CAPN3: variants seen among roughly 807,000 people sequenced by gnomAD.
CAPN3 encodes the protein calpain-3.
A neutral mutation model predicts 114.0 loss-of-function variants in CAPN3; 88 were observed. That is an observed-to-expected ratio of 0.77 (90% CI 0.65 to 0.92). The LOEUF is 0.92. CAPN3 is among the 40% of genes least tolerant of loss of function. The probability of loss-of-function intolerance (pLI) is 0.00; values close to 1 mark genes in which losing one functional copy is unlikely to be tolerated. For synonymous variants in CAPN3, 386 were observed against 382.9 expected, an observed-to-expected ratio of 1.01 and a Z score of -0.09; for missense variants, 1,028 against 1,069.0, an observed-to-expected ratio of 0.96 and a Z score of 0.53.
intron 9 of CAPN3, among the ~76,000 whole-genome samples, chr15:42,398,404 G>A (rs2053761468): frequency 6.6e-6 from 1 of 151,962 alleles, no homozygotes; most frequent in African/African-American, 2.4e-5. Flanking sequence ...GGTCAACATG[G>A]TGAAACCCCA....
At chr15:42,384,135 C>T (rs965727963) in intron 1 of CAPN3, among the ~76,000 whole-genome samples, 2 of 151,944 alleles carry the variant, frequency 1.3e-5, no homozygotes, top group African/African-American at 2.4e-5. Context: ...CTACTGCGGC[C>T]GGGCGCGGTG....
At chr15:42,387,397 TG>T (rs2053432926) in intron 3 of CAPN3, among the ~76,000 whole-genome samples, 1 of 152,166 alleles carries the variant, frequency 6.6e-6, no homozygotes, top group African/African-American at 2.4e-5. Context: ...TTGAATCAGC[TG>T]GGGGCACCTG....
At position 42,392,799 on chromosome 15, in the gene CAPN3, G is replaced by T. The variant is rs190554453; in HGVS notation, c.1029+77G>T. The T allele has an allele frequency of 8.1e-5, 98 of 1,202,764 alleles. No homozygotes were observed. The African/African-American group carries it at 1.2e-3, about 15-fold the overall frequency. The allele number at this position is 1,202,764 out of a possible 1,614,324, so 74.5% of individuals were successfully genotyped here. A position where few individuals can be genotyped will look rare whatever the true frequency, so the allele number is the denominator to read the frequency against. On this transcript the variant is annotated intron_variant, in intron 7 of 23. Transcript: ENST00000397163. ...ATGAAGTCAGGACTTAGCTGTTGGG[G>T]CCCCTTCCCTGTCTGCAGAGCTTGC...
In CAPN3 at chr15:42,411,939, G is replaced by A. The variant is rs376799702; in HGVS notation, c.*166G>A. 14 of 1,540,826 alleles carry A rather than the reference G, an allele frequency of 9.1e-6. No homozygotes were observed. Among genetic ancestry groups the A allele is most frequent in the African/African-American group, 6.8e-5 (5 of 73,074 alleles). ...TCCATTTTACCCCCTACCCATCCTTGATCGGTCATGCCTAGCCTGACCCTT... is the reference window on the plus strand; with the variant it reads ...TCCATTTTACCCCCTACCCATCCTTAATCGGTCATGCCTAGCCTGACCCTT... On this transcript the variant is annotated 3_prime_UTR_variant, in exon 24 of 24. Transcript: ENST00000397163.
At chr15:42,394,463 A>C in intron 8 of CAPN3, 122 bp downstream of exon 8, 1 of 809,194 alleles carries the variant, frequency 1.2e-6, no homozygotes, top group Non-Finnish European at 2.1e-6. Context: ...CTCAAAACCA[A>C]TGATCCGCAG....
At position 42,389,106 on chromosome 15, in the gene CAPN3, G is replaced by A. The variant is rs2141168252; in HGVS notation, c.801+10G>A. 1.3e-5 allele frequency: 21 copies of A among 1,613,860 alleles called. No homozygotes were observed. Among genetic ancestry groups the A allele is most frequent in the East Asian group, 6.7e-5 (3 of 44,880 alleles). The stretch of plus-strand genomic sequence containing the variant: ...GGGCTGCTCCATTGATGTAAGTCTG[G>A]GGTGTGGGGCACAGGGTGGGGAGCT... On this transcript the variant is annotated intron_variant, in intron 5 of 23. Coordinates refer to ENST00000397163, the MANE Select transcript of CAPN3 (RefSeq NM_000070.3).
chr15:42,403,717 C>A (rs1300690087), intron 13 of CAPN3, 24 bp from the exon 14 acceptor site: 3 of 1,611,582 alleles, frequency 1.9e-6, no homozygotes, highest in Non-Finnish European at 2.5e-6. Context: ...ACACTGAGAC[C>A]CCACATGTCT....
chr15:42,412,118 A>C lies in CAPN3; in HGVS notation c.*345A>C. ...GCAGAAGCACCTGCCGGTGGCACTC[A>C]GCACCTCCTTGTGCTAGAGCCCTCC... is the stretch of plus-strand genomic sequence containing the variant. On this transcript the variant is annotated 3_prime_UTR_variant, in exon 24 of 24. Transcript: ENST00000397163. 2 of 1,535,890 alleles carry C rather than the reference A, an allele frequency of 1.3e-6. No homozygotes were observed. Among genetic ancestry groups the C allele is most frequent in the South Asian group, 2.4e-5 (2 of 84,048 alleles).
chr15:42,374,794 CTTT>C (rs66487749), intron 1 of CAPN3, among the ~76,000 whole-genome samples: 3,906 of 84,924 alleles, frequency 0.046, 96 homozygotes, highest in African/African-American at 0.13. Context: ...TATCATGTCT[CTTT>C]TTTTTTTTTT....
At position 42,402,190 on chromosome 15, in the gene CAPN3, AGTCT is replaced by A; in HGVS notation, c.1536+62_1536+65del. ...GTGCAGCACTACCCAGGGGGCCCCG[AGTCT>A]GTCTGTGGCTCGTCGAGAAGCTTCC... On this transcript the variant is annotated intron_variant, in intron 12 of 23. Coordinates refer to ENST00000397163, the MANE Select transcript of CAPN3 (RefSeq NM_000070.3). The A allele has an allele frequency of 1.9e-6, 3 of 1,613,158 alleles. No individual in the cohort carries two copies. The Admixed American group carries it at 5.0e-5, about 27-fold the overall frequency.
chr15:42,396,892 C>G lies in CAPN3; in HGVS notation c.1193+15C>G. On this transcript the variant is annotated intron_variant, in intron 9 of 23. Transcript: ENST00000397163. ...GGAGAGTTCTGGTGAGTCCAGAACC[C>G]AGGAAGACCCAGAAGGGTAAGGGTG... 6.3e-7 allele frequency: 1 copy of G among 1,588,678 alleles called. No homozygotes were observed. Among genetic ancestry groups the G allele is most frequent in the South Asian group, 1.1e-5 (1 of 90,544 alleles).
At chr15:42,361,086 G>A (rs1319359911) in intron 1 of CAPN3, among the ~76,000 whole-genome samples, 1 of 152,180 alleles carries the variant, frequency 6.6e-6, no homozygotes. Context: ...GGCAAGGAGA[G>A]CTAACCTGGT....
rs751572 is a variant in CAPN3 at position 42,387,591 on chromosome 15, T to C, written c.499-162T>C. Reference sequence around the variant, plus strand: ...CACCCAGTCCAGTTAGAGACAGATTTACACACCCCAAACACAAAATAGGAT... The same window carrying C: ...CACCCAGTCCAGTTAGAGACAGATTCACACACCCCAAACACAAAATAGGAT... On this transcript the variant is annotated intron_variant, in intron 3 of 23. Transcript: ENST00000397163. 0.24 allele frequency among the ~76,000 whole-genome samples: 36,722 copies of C among 152,128 alleles called. 5,959 individuals carry two copies. Among genetic ancestry groups the C allele is most frequent in the African/African-American group, 0.45 (18,754 of 41,436 alleles).
intron 1 of CAPN3, among the ~76,000 whole-genome samples, chr15:42,364,588 T>C (rs1302751582): frequency 1.3e-5 from 2 of 152,212 alleles, no homozygotes; most frequent in Non-Finnish European, 2.9e-5. Flanking sequence ...GCTCCCCTCA[T>C]GGGCAGGGGA....
intron 6 of CAPN3, among the ~76,000 whole-genome samples, chr15:42,391,961 C>G (rs1020466623): frequency 3.3e-5 from 5 of 151,968 alleles, no homozygotes; most frequent in African/African-American, 1.2e-4. Flanking sequence ...GTCAGGAGTT[C>G]GAGACCAGCC....
chr15:42,389,050 T>C lies in CAPN3; in HGVS notation c.755T>C (p.Met252Thr), dbSNP rs1555420652. 1.9e-6 allele frequency: 3 copies of C among 1,614,106 alleles called. No individual in the cohort carries two copies. Among genetic ancestry groups the C allele is most frequent in the Admixed American group, 3.3e-5 (2 of 60,010 alleles). ...GCTCCTAGTGACATGTACAAGATCA[T>C]GAAGAAAGCCATCGAGAGAGGCTCC... ...RDAPSDMYKI[M>T]KKAIERGSLM... Residue 252 changes from methionine to threonine, a missense_variant, in exon 5 of 24, where the codon ATG becomes ACG. Met to Thr is a moderately conservative substitution (Grantham distance 81). Coordinates refer to ENST00000397163, the MANE Select transcript of CAPN3 (RefSeq NM_000070.3).
intron 1 of CAPN3, among the ~76,000 whole-genome samples, chr15:42,372,838 A>G (rs2052989650): frequency 1.3e-5 from 2 of 150,054 alleles, no homozygotes; most frequent in Admixed American, 1.3e-4. Context: ...ACAGAGGGAC[A>G]CTCCATCTCA....
At chr15:42,390,782 GTT>G (rs1213260658) in intron 6 of CAPN3, among the ~76,000 whole-genome samples, 2 of 117,998 alleles carry the variant, frequency 1.7e-5, no homozygotes, top group African/African-American at 6.1e-5. Flanking sequence ...AGTTTTTTTT[GTT>G]TTTTTGTTTT....
chr15:42,392,648 C>G lies in CAPN3; in HGVS notation c.955C>G (p.Pro319Ala). Residue 319 changes from proline to alanine, a missense_variant, in exon 7 of 24, where the codon CCG becomes GCG. Transcript: ENST00000397163. ...SDERPTRTIIPVQYETRMACG... is the reference protein window; with the variant it reads ...SDERPTRTIIAVQYETRMACG... ...GGTTACTGCTCTACAGACAATCATTCCGGTTCAGTATGAGACAAGAATGGC... is the reference window on the plus strand; with the variant it reads ...GGTTACTGCTCTACAGACAATCATTGCGGTTCAGTATGAGACAAGAATGGC... 1.2e-6 allele frequency: 2 copies of G among 1,613,592 alleles called. No homozygotes were observed. Among genetic ancestry groups the G allele is most frequent in the Non-Finnish European group, 1.7e-6 (2 of 1,179,566 alleles).
Sources: allele counts gnomAD v4.1 joint callset (sites outside exome capture counted in the v4.1 genomes callset), GRCh38; gene constraint gnomAD v4.1.1; transcripts MANE v1.5; gene names NCBI Gene and HGNC (gene_info 2026-07-23, HGNC 2026-07-21).